Variants in SELENOO observed in about 807,000 individuals in gnomAD.
SELENOO encodes the protein protein adenylyltransferase SelO, mitochondrial.
In SELENOO, 74 loss-of-function variants were observed where a neutral mutation model predicts 58.7. The ratio of observed to expected loss-of-function variants is 1.26; its 90% CI spans 1.04 to 1.53. The LOEUF (loss-of-function observed/expected upper bound fraction) is 1.53, where lower values mean the gene tolerates loss of function less well. Among genes scored for constraint, SELENOO ranks in the 40% most tolerant of loss-of-function variants. The pLI is 0.00. For synonymous variants in SELENOO, 543 were observed against 453.2 expected (o/e 1.20, Z -2.52); for missense variants, 1,149 against 970.0 (o/e 1.18, Z -2.45).
chr22:50,211,102 G>A (rs545380161), intron 5 of SELENOO, among the ~76,000 whole-genome samples, 191 bp downstream of exon 5: 2 of 152,116 alleles, frequency 1.3e-5, no homozygotes, highest in Non-Finnish European at 2.9e-5. Context: ...GGAGTCATAC[G>A]GTGCTTGTTC....
intron 4 of SELENOO, 120 bp from the exon 5 acceptor site, chr22:50,210,511 C>T (rs1462648744): frequency 6.8e-7 from 1 of 1,470,980 alleles, no homozygotes; most frequent in Non-Finnish European, 9.3e-7. Flanking sequence ...CCCTGTGGGA[C>T]AGGGCCAGAG....
In SELENOO at chr22:50,210,862, G is replaced by A. The variant is rs978525789; in HGVS notation, c.1302G>A (p.Glu434=). The change falls in exon 5 of 9, where the codon GAG becomes GAA. Residue 434 remains glutamate (E), a synonymous_variant. Coordinates refer to ENST00000380903, the MANE Select transcript of SELENOO (RefSeq NM_031454.2). ...RKLGLVQVEL[E]EDGALVSKLL... ...TGGGCCTCGTGCAGGTGGAGCTGGAGGAAGACGGGGCGCTGGTGTCCAAGC... is the reference window on the plus strand; with the variant it reads ...TGGGCCTCGTGCAGGTGGAGCTGGAAGAAGACGGGGCGCTGGTGTCCAAGC... The A allele has an allele frequency of 1.8e-5, 29 of 1,614,032 alleles. No individual in the cohort carries two copies. Among genetic ancestry groups the A allele is most frequent in the Non-Finnish European group, 2.5e-5 (29 of 1,180,044 alleles).
rs983022840 is a variant in SELENOO at position 50,210,669 on chromosome 22, C to T, written c.1109C>T (p.Thr370Ile). 2 of 1,613,102 alleles carry T rather than the reference C, an allele frequency of 1.2e-6. No individual in the cohort carries two copies. The highest frequency in any genetic ancestry group is 1.3e-5 in the African/African-American group (1 of 75,080). Residue 370 changes from threonine (T) to isoleucine (I), a missense_variant, in exon 5 of 9, where the codon ACC becomes ATC. Transcript: ENST00000380903. Reference protein sequence around the residue: ...PDHVCNASDNTGRYAYSKQPE... With the variant: ...PDHVCNASDNIGRYAYSKQPE... Reference sequence around the variant, plus strand: ...CACGTGTGCAATGCCTCCGACAACACCGGCCGCTACGCGTACAGCAAGCAG... The same window carrying T: ...CACGTGTGCAATGCCTCCGACAACATCGGCCGCTACGCGTACAGCAAGCAG...
intron 1 of SELENOO, among the ~76,000 whole-genome samples, chr22:50,204,045 A>G (rs1426786791): frequency 1.3e-5 from 2 of 152,268 alleles, no homozygotes; most frequent in African/African-American, 4.8e-5. Flanking sequence ...CATTTCTTCA[A>G]AGATGTGGCC....
intron 5 of SELENOO, among the ~76,000 whole-genome samples, chr22:50,215,491 C>T (rs1353725496): frequency 1.3e-5 from 2 of 150,850 alleles, no homozygotes; most frequent in Non-Finnish European, 3.0e-5. Flanking sequence ...GTCCGTGTGG[C>T]ACCTGTGCTG....
intron 1 of SELENOO, among the ~76,000 whole-genome samples, chr22:50,202,458 C>G (rs1031695447): frequency 6.6e-6 from 1 of 152,164 alleles, no homozygotes; most frequent in African/African-American, 2.4e-5. Flanking sequence ...TCCCCACCCC[C>G]AGCGACCTGC....
intron 5 of SELENOO, among the ~76,000 whole-genome samples, chr22:50,212,413 G>C (rs1347902055): frequency 6.6e-6 from 1 of 152,174 alleles, no homozygotes; most frequent in African/African-American, 2.4e-5. Context: ...ATGTCTTGTA[G>C]GTAATTTTGG....
chr22:50,214,591 A>G (rs60900662), intron 5 of SELENOO, among the ~76,000 whole-genome samples: 6,604 of 151,952 alleles, frequency 0.043, 484 homozygotes, highest in African/African-American at 0.15. Context: ...CAACAAGAGC[A>G]AGACTCCATC....
At chr22:50,212,071 G>A (rs562032078) in intron 5 of SELENOO, among the ~76,000 whole-genome samples, 13 of 152,190 alleles carry the variant, frequency 8.5e-5, no homozygotes, top group Non-Finnish European at 1.3e-4. Flanking sequence ...ATCTGTATGC[G>A]TAAGGGATAC....
At position 50,216,803 on chromosome 22, in the gene SELENOO, C is replaced by T. The variant is rs769214920; in HGVS notation, c.1615C>T (p.Leu539=). 6.2e-7 allele frequency: 1 copy of T among 1,608,732 alleles called. No individual in the cohort carries two copies. Among genetic ancestry groups the T allele is most frequent in the South Asian group, 1.1e-5 (1 of 90,984 alleles). The change falls in exon 7 of 9, where the codon CTG becomes TTG. Residue 539 remains leucine, a synonymous_variant. Coordinates refer to ENST00000380903, the MANE Select transcript of SELENOO (RefSeq NM_031454.2). ...ELERVEQQSR[L]EQLSAAELQS... is the part of the protein sequence containing the mutation. ...GGAGCGTGTGGAGCAGCAGTCTCGG[C>T]TGGAGCAGCTGAGTGCGGCAGAGCT...
chr22:50,215,237 G>GT (rs1446891471), intron 5 of SELENOO, among the ~76,000 whole-genome samples: 1 of 152,172 alleles, frequency 6.6e-6, no homozygotes, highest in African/African-American at 2.4e-5. Context: ...GCAGGCAGTT[G>GT]TGACTGTGAG....
In SELENOO at chr22:50,208,525, C is replaced by A; in HGVS notation, c.759-11C>A. Reference sequence around the variant, plus strand: ...GGTTTGGGCTGTTGACGCCTCGGGTCTTCCCTCCAGGTTTGGATCCTTTGA... The same window carrying A: ...GGTTTGGGCTGTTGACGCCTCGGGTATTCCCTCCAGGTTTGGATCCTTTGA... On this transcript the variant is annotated splice_polypyrimidine_tract_variant and intron_variant, in intron 2 of 8. Transcript: ENST00000380903. 6.2e-7 allele frequency: 1 copy of A among 1,609,722 alleles called. No homozygotes were observed. The highest frequency in any genetic ancestry group is 8.5e-7 in the Non-Finnish European group (1 of 1,176,966).
At chr22:50,212,404 T>C (rs1240161235) in intron 5 of SELENOO, among the ~76,000 whole-genome samples, 1 of 152,234 alleles carries the variant, frequency 6.6e-6, no homozygotes, top group Non-Finnish European at 1.5e-5. Flanking sequence ...AGTTTGTCCA[T>C]GTCTTGTAGG....
Position 50,201,121 on chromosome 22 carries a change from C to A in SELENOO, c.85C>A (p.Pro29Thr). ...PLGRCSPSPA[P>T]RSTLSGAAME... ...CGGTCGCTGTTCCCCGTCGCCGGCG[C>A]CCCGCTCTACGTTGTCGGGCGCCGC... The change falls in exon 1 of 9, where the codon CCC (proline) becomes ACC (threonine). Residue 29 changes from proline to threonine, a missense_variant. Coordinates refer to ENST00000380903, the MANE Select transcript of SELENOO (RefSeq NM_031454.2). The A allele has an allele frequency of 7.5e-7, 1 of 1,334,352 alleles. No homozygotes were observed. The allele number at this position is 1,334,352 out of a possible 1,614,324, so 82.7% of individuals were successfully genotyped here. A position where few individuals can be genotyped will look rare whatever the true frequency, so the allele number is the denominator to read the frequency against.
rs368889482 is a variant in SELENOO, at chr22:50,217,138, C to T, written c.1845+10C>T. ...CGGGGACTTCTCAGAGGCAAGCACA[C>T]GCCTGTCCCTGTGGTCCCTGGGAGG... On this transcript the variant is annotated intron_variant, in intron 8 of 8. Coordinates refer to ENST00000380903, the MANE Select transcript of SELENOO (RefSeq NM_031454.2). 1.9e-5 allele frequency: 30 copies of T among 1,611,738 alleles called. No homozygotes were observed. The highest frequency in any genetic ancestry group is 1.6e-4 in the Middle Eastern group (1 of 6,076).
At position 50,215,831 on chromosome 22, in the gene SELENOO, A is replaced by T; in HGVS notation, c.1466A>T (p.Glu489Val). The T allele has an allele frequency of 1.2e-6, 2 of 1,611,380 alleles. No homozygotes were observed. The highest frequency in any genetic ancestry group is 1.7e-6 in the Non-Finnish European group (2 of 1,178,242). Residue 489 changes from glutamate to valine, a missense_variant, in exon 6 of 9, where the codon GAG becomes GTG. By Grantham distance (121) the Glu-to-Val change is moderately radical (BLOSUM62 -2). Coordinates refer to ENST00000380903, the MANE Select transcript of SELENOO (RefSeq NM_031454.2). ...RLMEQCASLE[E>V]LRLAFRPQMD... is the part of the protein sequence containing the mutation. ...ATGGAGCAGTGTGCCTCCCTGGAGGAGCTGAGGCTGGCCTTCCGGCCCCAG... is the reference window on the plus strand; with the variant it reads ...ATGGAGCAGTGTGCCTCCCTGGAGGTGCTGAGGCTGGCCTTCCGGCCCCAG...
Position 50,215,712 on chromosome 22 carries a change from T to G in SELENOO, c.1352-5T>G. On this transcript the variant is annotated splice_region_variant and splice_polypyrimidine_tract_variant and intron_variant, in intron 5 of 8. Coordinates refer to ENST00000380903, the MANE Select transcript of SELENOO (RefSeq NM_031454.2). ...TTCCAGCTCCCTGAGCAGCCTGTGT[T>G]CCAGGTGCCGACTTCACAAACACCT... 1 of 1,582,858 alleles carries G rather than the reference T, an allele frequency of 6.3e-7. No individual in the cohort carries two copies. The highest frequency in any genetic ancestry group is 8.6e-7 in the Non-Finnish European group (1 of 1,158,400).
At chr22:50,206,065 C>T (rs907331200) in intron 1 of SELENOO, 18 of 564,486 alleles carry the variant, frequency 3.2e-5, no homozygotes, top group African/African-American at 1.9e-4. Context: ...GGCAGGAAGA[C>T]GGGCTGCTGC....
rs576336328 is a variant in SELENOO at position 50,210,198 on chromosome 22, G to A, written c.957G>A (p.Ala319=). Reference sequence around the variant, plus strand: ...CACCCCAGGTGACGCGGCGCACGGCGCGGATGGTGGCCGAGTGGCAGTGTG... The same window carrying A: ...CACCCCAGGTGACGCGGCGCACGGCACGGATGGTGGCCGAGTGGCAGTGTG... The part of the protein sequence containing the change: ...AFFREVTRRT[A]RMVAEWQCVG... The change falls in exon 4 of 9, where the codon GCG becomes GCA. Residue 319 remains alanine, a synonymous_variant. Coordinates refer to ENST00000380903, the MANE Select transcript of SELENOO (RefSeq NM_031454.2). 70 of 1,613,376 alleles carry A rather than the reference G, an allele frequency of 4.3e-5. No individual in the cohort carries two copies. Among genetic ancestry groups the A allele is most frequent in the African/African-American group, 2.1e-4 (16 of 75,068 alleles).
Sources: gnomAD v4.1 joint callset for allele counts (sites outside exome capture counted in the v4.1 genomes callset) on GRCh38, gnomAD v4.1.1 for gene constraint, MANE v1.5 for transcripts, NCBI Gene and HGNC (gene_info 2026-07-23, HGNC 2026-07-21) for gene names.